The following HNF1B variants were observed in gnomAD, a reference collection of about 807,000 sequenced individuals.
HNF1B encodes the protein hepatocyte nuclear factor 1-beta.
Under a neutral mutation model 61.7 loss-of-function variants are expected in HNF1B, and 8 were observed. The observed-to-expected ratio is 0.13, with a 90% CI of 0.08 to 0.23. The LOEUF (loss-of-function observed/expected upper bound fraction) is 0.23, where lower values mean the gene tolerates loss of function less well. HNF1B is among the 10% of genes least tolerant of loss of function. The pLI is 1.00. For synonymous variants in HNF1B, 314 were observed against 287.7 expected, an observed-to-expected ratio of 1.09 and a Z score of -0.93; for missense variants, 562 against 714.5, an observed-to-expected ratio of 0.79 and a Z score of 2.43.
chr17:37,715,480 C>T (rs754366985), intron 4 of HNF1B, among the ~76,000 whole-genome samples: 6 of 152,184 alleles, frequency 3.9e-5, no homozygotes, highest in Non-Finnish European at 7.3e-5. Context: ...ATGTCAATTT[C>T]ACATTTGGAA....
rs116090477 is a variant in HNF1B, at chr17:37,737,210, A to G, written c.544+2230T>C. The stretch of plus-strand genomic sequence containing the variant: ...TTATTTCTCTTACTTCCTAATTCTT[A>G]TATCATGCTTGCATGTCTTACATTC... On this transcript the variant is annotated intron_variant, in intron 2 of 8. Coordinates refer to ENST00000617811, the MANE Select transcript of HNF1B (RefSeq NM_000458.4). Among the ~76,000 whole-genome samples, 1,144 of 152,182 alleles carry G rather than the reference A, an allele frequency of 7.5e-3. 18 individuals carry two copies. The highest frequency in any genetic ancestry group is 0.027 in the African/African-American group (1,102 of 41,488).
At chr17:37,724,928 G>GTA (rs1336418650) in intron 4 of HNF1B, among the ~76,000 whole-genome samples, 1 of 140,024 alleles carries the variant, frequency 7.1e-6, no homozygotes, top group African/African-American at 2.9e-5. Flanking sequence ...GTGTGTGTGT[G>GTA]TGTGTGTGTA....
rs1598791847 is a variant in HNF1B, at chr17:37,687,102, T to A, written c.*270A>T. 6 of 620,280 alleles carry A rather than the reference T, an allele frequency of 9.7e-6. No homozygotes were observed. In the East Asian group the frequency reaches 1.6e-4, roughly 17 times the overall value. 38.4% of individuals were successfully genotyped at this position (620,280 alleles called of 1,614,324 possible). Reference sequence around the variant, plus strand: ...GCTTTCTTGCTTCCTCTTCGGAGGTTCCTTGTCTCCCACCTCCAGGACAGA... The same window carrying A: ...GCTTTCTTGCTTCCTCTTCGGAGGTACCTTGTCTCCCACCTCCAGGACAGA... On this transcript the variant is annotated 3_prime_UTR_variant, in exon 9 of 9. Transcript: ENST00000617811.
chr17:37,728,190 T>C (rs1598836644), intron 4 of HNF1B, among the ~76,000 whole-genome samples: 2 of 149,724 alleles, frequency 1.3e-5, no homozygotes, highest in South Asian at 4.2e-4. Context: ...TTAGTAGAGA[T>C]GGGGTTTCAC....
At chr17:37,735,252 C>G (rs2033799437) in intron 2 of HNF1B, among the ~76,000 whole-genome samples, 1 of 152,172 alleles carries the variant, frequency 6.6e-6, no homozygotes, top group African/African-American at 2.4e-5. Context: ...TCAAGTCAGG[C>G]TACTACTTAA....
At chr17:37,719,728 G>A (rs1484034415) in intron 4 of HNF1B, among the ~76,000 whole-genome samples, 2 of 152,240 alleles carry the variant, frequency 1.3e-5, no homozygotes, top group Admixed American at 1.3e-4. Context: ...GAGCCACTGG[G>A]TGTCCACACA....
At chr17:37,718,511 C>T (rs1175052877) in intron 4 of HNF1B, among the ~76,000 whole-genome samples, 1 of 152,156 alleles carries the variant, frequency 6.6e-6, no homozygotes, top group Non-Finnish European at 1.5e-5. Context: ...AACTGAGGTT[C>T]AGAGAGGACA....
chr17:37,740,496 T>G (rs1045893674), intron 1 of HNF1B, among the ~76,000 whole-genome samples: 1 of 152,254 alleles, frequency 6.6e-6, no homozygotes, highest in African/African-American at 2.4e-5. Flanking sequence ...GTGAAATGTA[T>G]GTGTTCACCT....
At chr17:37,698,993 C>T (rs2032474610) in intron 8 of HNF1B, 83 bp downstream of exon 8, 3 of 1,023,850 alleles carry the variant, frequency 2.9e-6, no homozygotes, top group Non-Finnish European at 4.7e-6. Flanking sequence ...TGGCCGAGTC[C>T]ATGCTTGCCA....
At chr17:37,696,164 G>C (rs1174084668) in intron 8 of HNF1B, among the ~76,000 whole-genome samples, 1 of 152,172 alleles carries the variant, frequency 6.6e-6, no homozygotes, top group African/African-American at 2.4e-5. Context: ...AGAGTCTAGG[G>C]CTAGGCATGG....
At chr17:37,737,892 T>C (rs2033880878) in intron 2 of HNF1B, among the ~76,000 whole-genome samples, 1 of 152,206 alleles carries the variant, frequency 6.6e-6, no homozygotes, top group Non-Finnish European at 1.5e-5. Flanking sequence ...CAACAATCTC[T>C]TGAAGAGGCT....
intron 4 of HNF1B, chr17:37,730,565 C>G (rs1329432818): frequency 6.6e-6 from 1 of 152,352 alleles, no homozygotes; most frequent in African/African-American, 2.4e-5. Flanking sequence ...GGCTCCGAGC[C>G]TGTCTTGGTG....
intron 8 of HNF1B, among the ~76,000 whole-genome samples, chr17:37,697,014 C>G (rs2032407673): frequency 1.3e-5 from 2 of 152,094 alleles, no homozygotes; most frequent in African/African-American, 2.4e-5. Flanking sequence ...ACAAAGACAA[C>G]AAGAGTGGCA....
chr17:37,697,536 A>G (rs1259712257), intron 8 of HNF1B, among the ~76,000 whole-genome samples: 1 of 152,232 alleles, frequency 6.6e-6, no homozygotes, highest in African/African-American at 2.4e-5. Flanking sequence ...AACTTGGGAA[A>G]GACAGGAATA....
chr17:37,724,907 T>TGTGTGC (rs2033442852), intron 4 of HNF1B, among the ~76,000 whole-genome samples: 1 of 26,782 alleles, frequency 3.7e-5, no homozygotes, highest in Admixed American at 3.3e-4. Context: ...TGTATGCGTG[T>TGTGTGC]GTGTGTGTGT....
At chr17:37,707,526 T>C (rs1487128687) in intron 5 of HNF1B, among the ~76,000 whole-genome samples, 1 of 152,234 alleles carries the variant, frequency 6.6e-6, no homozygotes, top group East Asian at 1.9e-4. Context: ...ACATTAATGC[T>C]GTCATTTATG....
In HNF1B at chr17:37,739,389, G is replaced by T. The variant is rs371005621; in HGVS notation, c.544+51C>A. The T allele has an allele frequency of 5.8e-6, 9 of 1,554,702 alleles. No individual in the cohort carries two copies. The African/African-American group carries it at 1.2e-4, about 21-fold the overall frequency. On this transcript the variant is annotated intron_variant, in intron 2 of 8. Coordinates refer to ENST00000617811, the MANE Select transcript of HNF1B (RefSeq NM_000458.4). ...GAAACTGAGGCAGCCAATGGGGTGA[G>T]AGGGCAAAGGTCACTTCAGGTTGAG...
At chr17:37,720,569 G>A (rs2033278751) in intron 4 of HNF1B, among the ~76,000 whole-genome samples, 1 of 152,136 alleles carries the variant, frequency 6.6e-6, no homozygotes, top group Middle Eastern at 3.4e-3. Flanking sequence ...CCTAGGCTCA[G>A]TTTAATTCTT....
In HNF1B at chr17:37,699,167, TG is replaced by T. The variant is rs764042837; in HGVS notation, c.1561del (p.Gln521SerfsTer70). The T allele has an allele frequency of 1.2e-6, 2 of 1,614,026 alleles. No homozygotes were observed. Among genetic ancestry groups the T allele is most frequent in the South Asian group, 1.1e-5 (1 of 91,074 alleles). On this transcript the variant is annotated frameshift_variant, in exon 8 of 9. Transcript: ENST00000617811. LOFTEE classifies it high-confidence loss of function. ...HMYAHKQEPP[Q>X]YSHTSRFPSA... ...TGGAAACCGGGAGGTGTGGGAATAC[TG>T]GGGGGGTTCCTGCTTGTGTGCGTAC...
Sources: allele counts gnomAD v4.1 joint callset (sites outside exome capture counted in the v4.1 genomes callset), GRCh38; gene constraint gnomAD v4.1.1; transcripts MANE v1.5; gene names NCBI Gene and HGNC (gene_info 2026-07-23, HGNC 2026-07-21).